RHOJ: variants seen among roughly 807,000 people sequenced by gnomAD.
RHOJ encodes the protein rho-related GTP-binding protein RhoJ.
In RHOJ, 11 loss-of-function variants were observed where a neutral mutation model predicts 23.4. The ratio of observed to expected loss-of-function variants is 0.47; its 90% CI spans 0.30 to 0.78. The LOEUF is 0.78. Among genes scored for constraint, RHOJ ranks in the 30% least tolerant of loss-of-function variants. The probability of loss-of-function intolerance (pLI) is 0.08; values close to 1 mark genes in which losing one functional copy is unlikely to be tolerated. For missense variants in RHOJ, 254 were observed against 273.4 expected (o/e 0.93, Z 0.50); for synonymous variants, 102 against 102.7 (o/e 0.99, Z 0.04).
Position 63,283,180 on chromosome 14 carries a change from T to C in RHOJ, c.462T>C (p.Pro154=). 1 of 1,614,090 alleles carries C rather than the reference T, an allele frequency of 6.2e-7. No individual in the cohort carries two copies. ...GTTTGCTGTATATGAAAGAGAAACC[T>C]CTCACTTACGAGCATGGTGTGAAGC... The part of the protein sequence containing the change: ...LARLLYMKEK[P]LTYEHGVKLA... The change falls in exon 4 of 5, where the codon CCT becomes CCC. Residue 154 remains proline (P), a synonymous_variant. Transcript: ENST00000316754.
intron 1 of RHOJ, among the ~76,000 whole-genome samples, chr14:63,216,083 C>G (rs1414405079): frequency 6.6e-6 from 1 of 152,074 alleles, no homozygotes; most frequent in African/African-American, 2.4e-5. Context: ...ATTATATTGA[C>G]CTTATTTAAA....
chr14:63,218,077 T>G (rs910760965), intron 1 of RHOJ, among the ~76,000 whole-genome samples: 26 of 152,214 alleles, frequency 1.7e-4, no homozygotes, highest in African/African-American at 6.3e-4. Flanking sequence ...ATTTCTCTTC[T>G]GGCATTTTAA....
chr14:63,236,538 T>G (rs933230236), intron 1 of RHOJ, among the ~76,000 whole-genome samples: 1 of 152,122 alleles, frequency 6.6e-6, no homozygotes, highest in Non-Finnish European at 1.5e-5. Flanking sequence ...ATGAGACTCA[T>G]TCAACACCAC....
chr14:63,280,632 G>T (rs1881868153), intron 2 of RHOJ, among the ~76,000 whole-genome samples: 1 of 152,024 alleles, frequency 6.6e-6, no homozygotes, highest in Non-Finnish European at 1.5e-5. Flanking sequence ...ACACCATGTT[G>T]TACACCTTAA....
intron 1 of RHOJ, among the ~76,000 whole-genome samples, chr14:63,212,238 C>T (rs1043503895): frequency 1.3e-5 from 2 of 152,158 alleles, no homozygotes; most frequent in Non-Finnish European, 2.9e-5. Context: ...TTTATTTAGT[C>T]ACAAGGCCAT....
chr14:63,219,870 G>A (rs1156306659), intron 1 of RHOJ, among the ~76,000 whole-genome samples: 6 of 151,696 alleles, frequency 4.0e-5, no homozygotes, highest in African/African-American at 1.5e-4. Flanking sequence ...TCTGTCTGGT[G>A]AATTTCTACA....
intron 1 of RHOJ, among the ~76,000 whole-genome samples, chr14:63,246,881 C>T (rs1307221776): frequency 6.6e-6 from 1 of 152,176 alleles, no homozygotes; most frequent in Non-Finnish European, 1.5e-5. Context: ...GCTTGACAAA[C>T]TAGATCACAA....
intron 1 of RHOJ, among the ~76,000 whole-genome samples, chr14:63,264,773 A>G (rs1895337765): frequency 6.6e-6 from 1 of 152,210 alleles, no homozygotes; most frequent in African/African-American, 2.4e-5. Context: ...TCTGGTGATT[A>G]GTGATGTGGA....
chr14:63,246,121 C>T (rs1894972108), intron 1 of RHOJ, among the ~76,000 whole-genome samples: 1 of 152,178 alleles, frequency 6.6e-6, no homozygotes, highest in Non-Finnish European at 1.5e-5. Context: ...GAGAAGGGCA[C>T]AACCCCATGT....
chr14:63,220,524 G>A (rs1405577627), intron 1 of RHOJ, among the ~76,000 whole-genome samples: 1 of 151,806 alleles, frequency 6.6e-6, no homozygotes, highest in African/African-American at 2.4e-5. Context: ...CAAAATTCAG[G>A]TCTCAGAAAC....
chr14:63,250,837 C>T (rs913576497), intron 1 of RHOJ, among the ~76,000 whole-genome samples: 2 of 152,070 alleles, frequency 1.3e-5, no homozygotes, highest in Admixed American at 6.6e-5. Context: ...AGTTCCAGAT[C>T]AGCCTCGCCA....
intron 1 of RHOJ, among the ~76,000 whole-genome samples, chr14:63,261,438 C>CTT (rs201163669): frequency 6.7e-6 from 1 of 150,238 alleles, no homozygotes; most frequent in African/African-American, 2.5e-5. Flanking sequence ...CTTTTTTTTC[C>CTT]TTTTTTTTGA....
At chr14:63,248,701 C>A (rs1895018535) in intron 1 of RHOJ, among the ~76,000 whole-genome samples, 1 of 152,196 alleles carries the variant, frequency 6.6e-6, no homozygotes, top group South Asian at 2.1e-4. Flanking sequence ...ACAGAATGAA[C>A]AAGGCAGACA....
At chr14:63,205,435 A>ATGG (rs1241435203) in intron 1 of RHOJ, among the ~76,000 whole-genome samples, 1 of 152,198 alleles carries the variant, frequency 6.6e-6, no homozygotes, top group East Asian at 1.9e-4. Flanking sequence ...AGACACACAA[A>ATGG]TGGTGAAAGG....
chr14:63,223,042 C>A (rs941922719), intron 1 of RHOJ, among the ~76,000 whole-genome samples: 1 of 152,198 alleles, frequency 6.6e-6, no homozygotes, highest in African/African-American at 2.4e-5. Context: ...TGACAAGGGA[C>A]AAGAAGGAGT....
At chr14:63,287,825 C>G (rs1403551981) in intron 4 of RHOJ, among the ~76,000 whole-genome samples, 1 of 152,162 alleles carries the variant, frequency 6.6e-6, no homozygotes, top group Non-Finnish European at 1.5e-5. Context: ...CCTGAACCCT[C>G]CCAGATGGCT....
intron 1 of RHOJ, among the ~76,000 whole-genome samples, chr14:63,256,102 T>G (rs925038577): frequency 6.6e-6 from 1 of 152,042 alleles, no homozygotes; most frequent in Admixed American, 6.6e-5. Context: ...GCCCAGGCTC[T>G]TCTTGAATTC....
chr14:63,274,803 T>C (rs776908984), intron 2 of RHOJ, among the ~76,000 whole-genome samples: 33 of 152,186 alleles, frequency 2.2e-4, no homozygotes, highest in Non-Finnish European at 3.2e-4. Flanking sequence ...CCACCACCCA[T>C]GTTCTTAAGC....
intron 1 of RHOJ, among the ~76,000 whole-genome samples, chr14:63,242,038 T>C (rs934824319): frequency 6.6e-6 from 1 of 152,192 alleles, no homozygotes; most frequent in African/African-American, 2.4e-5. Flanking sequence ...CAAAATGTCT[T>C]TGAAAGTCCA....
Sources: allele counts gnomAD v4.1 joint callset (sites outside exome capture counted in the v4.1 genomes callset), GRCh38; gene constraint gnomAD v4.1.1; transcripts MANE v1.5; gene names NCBI Gene and HGNC (gene_info 2026-07-23, HGNC 2026-07-21).